The following INTS10 variants were observed in gnomAD, a reference collection of about 807,000 sequenced individuals.
INTS10 encodes the protein chromosome 8 open reading frame 35.
INTS10 carries 44 observed loss-of-function variants against 94.4 expected under a neutral mutation model. That is an observed-to-expected ratio of 0.47 (90% CI 0.37 to 0.60). The LOEUF (loss-of-function observed/expected upper bound fraction) is 0.60, where lower values mean the gene tolerates loss of function less well. Ranked by LOEUF, INTS10 falls within the 20% of genes least tolerant of loss-of-function variation. The pLI is 0.00. For missense variants in INTS10, 797 were observed against 868.7 expected (o/e 0.92, Z 1.04); for synonymous variants, 341 against 320.7 (o/e 1.06, Z -0.68).
Position 19,830,799 on chromosome 8 carries a change from C to G in INTS10, c.1294+240C>G, listed in dbSNP as rs573087864. ...ACAGTTCTTCTGCCTCAGCCTTCCT[C>G]GTAGCTGGGACTACAGGCACGTGCG... is the stretch of plus-strand genomic sequence containing the variant. On this transcript the variant is annotated intron_variant, in intron 10 of 16. Transcript: ENST00000397977. Among the ~76,000 whole-genome samples, 8 of 152,202 alleles carry G rather than the reference C, an allele frequency of 5.3e-5. No homozygotes were observed. In the South Asian group the frequency reaches 1.5e-3, roughly 28 times the overall value.
chr8:19,837,861 A>C (rs962535728), intron 13 of INTS10, among the ~76,000 whole-genome samples: 7 of 152,152 alleles, frequency 4.6e-5, no homozygotes, highest in African/African-American at 9.7e-5. Context: ...CCCTAACAAG[A>C]TCGATAAGGA....
Position 19,843,048 on chromosome 8 carries a change from C to T in INTS10, c.1719+121C>T. 1 of 698,336 alleles carries T rather than the reference C, an allele frequency of 1.4e-6. No individual in the cohort carries two copies. Among genetic ancestry groups the T allele is most frequent in the African/African-American group, 1.8e-5 (1 of 55,570 alleles). The allele number at this position is 698,336 out of a possible 1,614,324, so 43.3% of individuals were successfully genotyped here. On this transcript the variant is annotated intron_variant, in intron 14 of 16. Coordinates refer to ENST00000397977, the MANE Select transcript of INTS10 (RefSeq NM_018142.4). This position sits in a 1 kb window ranked among gnomAD's most constrained non-coding sequence, Gnocchi z 4.7. ...TAGTACTTTTGAGGGCAGGCCCAAA[C>T]AGTTAGAAAAGCACATGGGCTACTA... is the stretch of plus-strand genomic sequence containing the variant.
intron 12 of INTS10, among the ~76,000 whole-genome samples, chr8:19,833,844 T>A (rs2067436783): frequency 6.6e-6 from 1 of 151,850 alleles, no homozygotes; most frequent in African/African-American, 2.4e-5. Context: ...CCCATCTCTA[T>A]TAAAATACAA....
rs1317152764 is a variant in INTS10 at position 19,817,459 on chromosome 8, G to GGTGGCTGCC, written c.-73_-65dup. Reference sequence around the variant, plus strand: ...CCCCCGCGGTGGCGGCGGCGGCGGCGGTGGCTGCCGTGGCGGCTGAGAGTC... The same window carrying GGTGGCTGCC: ...CCCCCGCGGTGGCGGCGGCGGCGGCGGTGGCTGCCGTGGCTGCCGTGGCGGCTGAGAGTC... On this transcript the variant is annotated 5_prime_UTR_variant, in exon 1 of 17. Coordinates refer to ENST00000397977, the MANE Select transcript of INTS10 (RefSeq NM_018142.4). 1.2e-5 allele frequency: 19 copies of GGTGGCTGCC among 1,534,524 alleles called. No homozygotes were observed. The South Asian group carries it at 1.7e-4, about 14-fold the overall frequency.
chr8:19,841,991 A>G (rs1286615634), intron 13 of INTS10: 1 of 257,464 alleles, frequency 3.9e-6, no homozygotes, highest in Non-Finnish European at 7.8e-6. Flanking sequence ...TGTGAAAAAT[A>G]TTTATTTCTT....
intron 11 of INTS10, 104 bp downstream of exon 11, chr8:19,832,214 T>C: frequency 1.4e-6 from 1 of 702,274 alleles, no homozygotes; most frequent in East Asian, 2.6e-5. Context: ...CTTGGGCTAG[T>C]CCACTGCCTC....
chr8:19,849,082 T>G lies in INTS10; in HGVS notation c.1977-2567T>G, dbSNP rs1385422920. 5.2e-6 allele frequency: 3 copies of G among 581,772 alleles called. No homozygotes were observed. Among genetic ancestry groups the G allele is most frequent in the Non-Finnish European group, 8.6e-6 (3 of 347,942 alleles). 36.0% of individuals were successfully genotyped at this position (581,772 alleles called of 1,614,324 possible). A position where few individuals can be genotyped will look rare whatever the true frequency, so the allele number is the denominator to read the frequency against. ...TTTAGTCTGCTTCTAGTCTTGTGTA[T>G]TTTCTCTGGAGTGTTGTTTTTGCAG... is the stretch of plus-strand genomic sequence containing the variant. On this transcript the variant is annotated intron_variant, in intron 16 of 16. Transcript: ENST00000397977. This position sits in a 1 kb window ranked among gnomAD's most constrained non-coding sequence, Gnocchi z 4.6.
chr8:19,822,370 C>T (rs1352087648), intron 4 of INTS10, 69 bp from the exon 5 acceptor site: 4 of 824,010 alleles, frequency 4.9e-6, no homozygotes, highest in East Asian at 2.6e-5. Flanking sequence ...AAAAATACCC[C>T]ATTACTTCAT....
chr8:19,824,237 A>G (rs555158941), intron 7 of INTS10, 193 bp downstream of exon 7: 1 of 453,290 alleles, frequency 2.2e-6, no homozygotes, highest in Admixed American at 4.0e-5. Flanking sequence ...CACATCTGTA[A>G]TCCCAGTGCT....
rs941313157 is a variant in INTS10, at chr8:19,817,468, C to A, written c.-70C>A. On this transcript the variant is annotated 5_prime_UTR_variant, in exon 1 of 17. Transcript: ENST00000397977. Reference sequence around the variant, plus strand: ...TGGCGGCGGCGGCGGCGGTGGCTGCCGTGGCGGCTGAGAGTCCAGAGCCGG... The same window carrying A: ...TGGCGGCGGCGGCGGCGGTGGCTGCAGTGGCGGCTGAGAGTCCAGAGCCGG... The A allele has an allele frequency of 1.4e-5, 21 of 1,537,674 alleles. No individual in the cohort carries two copies. Among genetic ancestry groups the A allele is most frequent in the Middle Eastern group, 2.3e-4 (1 of 4,334 alleles).
chr8:19,837,029 C>A, intron 12 of INTS10, 23 bp from the exon 13 acceptor site: 1 of 1,482,854 alleles, frequency 6.7e-7, no homozygotes, highest in South Asian at 1.1e-5. Context: ...AAGTTAGTTC[C>A]TTTTTGGTCT....
At chr8:19,844,415 A>G (rs925431153) in intron 15 of INTS10, among the ~76,000 whole-genome samples, 177 bp downstream of exon 15, 3 of 152,224 alleles carry the variant, frequency 2.0e-5, no homozygotes, top group African/African-American at 7.2e-5. Flanking sequence ...AAGTCGTGAA[A>G]GACATGATTC....
intron 2 of INTS10, 98 bp downstream of exon 2, chr8:19,818,440 T>C (rs1056378407): frequency 2.4e-6 from 3 of 1,225,852 alleles, no homozygotes; most frequent in African/African-American, 1.5e-5. Flanking sequence ...GATCTTCAAG[T>C]TCATCTATAT....
At chr8:19,825,065 C>G in intron 8 of INTS10, 93 bp downstream of exon 8, 1 of 1,091,454 alleles carries the variant, frequency 9.2e-7, no homozygotes, top group Non-Finnish European at 1.4e-6. Context: ...TTGCTGGATC[C>G]GAATAACTGT....
chr8:19,818,004 CTTCA>C (rs1001313451), intron 1 of INTS10, among the ~76,000 whole-genome samples: 7 of 152,266 alleles, frequency 4.6e-5, no homozygotes, highest in Middle Eastern at 6.8e-3. Flanking sequence ...CCATTCGCTC[CTTCA>C]TTCATCATAA....
intron 15 of INTS10, among the ~76,000 whole-genome samples, chr8:19,844,476 T>C (rs933309896): frequency 2.0e-5 from 3 of 152,206 alleles, no homozygotes; most frequent in Non-Finnish European, 4.4e-5. Flanking sequence ...GCTAGGTGAC[T>C]TCTAAGAAGG....
At chr8:19,817,772 T>A in intron 1 of INTS10, 106 bp downstream of exon 1, 1 of 1,412,028 alleles carries the variant, frequency 7.1e-7, no homozygotes, top group Non-Finnish European at 9.5e-7. Flanking sequence ...TGCCGCCTCC[T>A]GCCCGGCCCC....
chr8:19,823,870 C>G lies in INTS10; in HGVS notation c.665-3C>G. ...TGTAGGCTACTTTTTTCTTACATCT[C>G]AGGCGCCCAGGATACATCTGATTTA... On this transcript the variant is annotated splice_polypyrimidine_tract_variant and splice_region_variant and intron_variant, in intron 6 of 16. Coordinates refer to ENST00000397977, the MANE Select transcript of INTS10 (RefSeq NM_018142.4). 2 of 1,575,104 alleles carry G rather than the reference C, an allele frequency of 1.3e-6. No individual in the cohort carries two copies. Among genetic ancestry groups the G allele is most frequent in the Non-Finnish European group, 1.7e-6 (2 of 1,165,556 alleles).
chr8:19,829,284 C>A (rs958885035), intron 9 of INTS10, among the ~76,000 whole-genome samples: 30 of 151,930 alleles, frequency 2.0e-4, no homozygotes, highest in African/African-American at 4.8e-5. Flanking sequence ...GTTATTAAAT[C>A]AGTAAAATGA....
Sources: allele counts gnomAD v4.1 joint callset (sites outside exome capture counted in the v4.1 genomes callset), GRCh38; gene constraint gnomAD v4.1.1; non-coding constraint Gnocchi (gnomAD v3.1); transcripts MANE v1.5; gene names NCBI Gene and HGNC (gene_info 2026-07-23, HGNC 2026-07-21).